The following MYO16 variants were observed in gnomAD, a reference collection of about 807,000 sequenced individuals.
The protein encoded by MYO16 is myosin XVI, also known as unconventional myosin-XVI.
In MYO16, 94 loss-of-function variants were observed where a neutral mutation model predicts 205.3. The observed-to-expected ratio is 0.46, with a 90% CI of 0.39 to 0.54. The LOEUF (loss-of-function observed/expected upper bound fraction) is 0.54. Ranked by LOEUF, MYO16 falls within the 20% of genes least tolerant of loss-of-function variation. MYO16 has a pLI of 0.00. For missense variants in MYO16, 2,315 were observed against 2,387.5 expected (o/e 0.97, Z 0.63); for synonymous variants, 988 against 954.0 (o/e 1.04, Z -0.66).
chr13:109,180,345 A>G (rs1879404038), intron 34 of MYO16, among the ~76,000 whole-genome samples: 4 of 152,262 alleles, frequency 2.6e-5, no homozygotes, highest in African/African-American at 9.6e-5. Flanking sequence ...ATTTTAAAAT[A>G]TACTTTAAAT....
At chr13:108,616,049 T>G (rs1406964908) in intron 1 of MYO16, among the ~76,000 whole-genome samples, 2 of 152,190 alleles carry the variant, frequency 1.3e-5, no homozygotes, top group African/African-American at 4.8e-5. Flanking sequence ...GCATAAACAC[T>G]TATGTTTACA....
At chr13:109,074,765 A>G (rs1888037749) in intron 27 of MYO16, among the ~76,000 whole-genome samples, 1 of 152,088 alleles carries the variant, frequency 6.6e-6, no homozygotes, top group African/African-American at 2.4e-5. Context: ...TGCTACACTT[A>G]CGCTATCAGA....
At chr13:108,808,171 C>T (rs895669983) in intron 7 of MYO16, among the ~76,000 whole-genome samples, 3 of 151,922 alleles carry the variant, frequency 2.0e-5, no homozygotes, top group Admixed American at 6.6e-5. Flanking sequence ...AGCTACTGAC[C>T]TTTTTCTCAG....
chr13:108,677,414 AT>A (rs1390809294), intron 2 of MYO16, among the ~76,000 whole-genome samples: 1 of 148,872 alleles, frequency 6.7e-6, no homozygotes, highest in Non-Finnish European at 1.5e-5. Flanking sequence ...ATACATATAT[AT>A]TCAGGTATAT....
At chr13:109,013,040 G>A (rs2139492875) in intron 22 of MYO16, among the ~76,000 whole-genome samples, 1 of 148,992 alleles carries the variant, frequency 6.7e-6, no homozygotes, top group Admixed American at 6.7e-5. Flanking sequence ...ATGTATACAT[G>A]TGCCGTGTTG....
In MYO16 at chr13:109,140,667, G is replaced by A. The variant is rs781318754; in HGVS notation, c.4455G>A (p.Ala1485=). The change falls in exon 32 of 35, where the codon GCG becomes GCA. Residue 1485 remains alanine, a synonymous_variant. Coordinates refer to ENST00000457511, the MANE Select transcript of MYO16 (RefSeq NM_001198950.3). The surrounding 1 kb of genome is among the most constrained non-coding windows in gnomAD (Gnocchi z 8.0). Reference sequence around the variant, plus strand: ...CATCGCCGCCCCTGCTCCACCGCGCGCCGGAGGACGAGGCGGCGGGGCCCC... The same window carrying A: ...CATCGCCGCCCCTGCTCCACCGCGCACCGGAGGACGAGGCGGCGGGGCCCC... ...HGASPPLLHR[A]PEDEAAGPPG... is the part of the protein sequence containing the mutation. 7 of 1,488,454 alleles carry A rather than the reference G, an allele frequency of 4.7e-6. No individual in the cohort carries two copies. Among genetic ancestry groups the A allele is most frequent in the South Asian group, 1.3e-5 (1 of 76,296 alleles). 92.2% of individuals were successfully genotyped at this position (1,488,454 alleles called of 1,614,324 possible). A position where few individuals can be genotyped will look rare whatever the true frequency, so the allele number is the denominator to read the frequency against.
chr13:108,723,251 T>C (rs539931221), intron 3 of MYO16, among the ~76,000 whole-genome samples: 817 of 4,666 alleles, frequency 0.18, 5 homozygotes, highest in Admixed American at 0.21. Flanking sequence ...ATATTCTTGA[T>C]AAATGTCTTT....
chr13:108,553,956 GTGCT>G, the MYO16 span, among the ~76,000 whole-genome samples: 1 of 152,140 alleles, frequency 6.6e-6, no homozygotes, highest in Non-Finnish European at 1.5e-5. Context: ...GTCTCCCCCT[GTGCT>G]CCTTCTGAAG....
intron 31 of MYO16, among the ~76,000 whole-genome samples, chr13:109,130,582 A>G (rs1876486041): frequency 6.6e-6 from 1 of 152,254 alleles, no homozygotes; most frequent in African/African-American, 2.4e-5. Flanking sequence ...CAGAGAGGGC[A>G]AGCGCAGGAG....
chr13:108,806,199 C>A (rs1169906913), intron 6 of MYO16, among the ~76,000 whole-genome samples: 1 of 152,160 alleles, frequency 6.6e-6, no homozygotes, highest in East Asian at 1.9e-4. Flanking sequence ...ATTAGTTAAT[C>A]CTTTTCAGTG....
intron 16 of MYO16, among the ~76,000 whole-genome samples, chr13:108,928,882 A>T (rs911484493): frequency 6.6e-6 from 1 of 152,218 alleles, no homozygotes; most frequent in African/African-American, 2.4e-5. Context: ...GGCCATATTC[A>T]GGTCATGGAT....
At chr13:108,955,417 G>A (rs1315684040) in intron 16 of MYO16, among the ~76,000 whole-genome samples, 1 of 152,082 alleles carries the variant, frequency 6.6e-6, no homozygotes, top group African/African-American at 2.4e-5. Flanking sequence ...CCGAGATTGG[G>A]GAAAAAGAAG....
intron 4 of MYO16, among the ~76,000 whole-genome samples, chr13:108,745,739 A>G (rs1157806154): frequency 5.3e-5 from 8 of 152,184 alleles, no homozygotes; most frequent in Non-Finnish European, 1.0e-4. Flanking sequence ...TAAAATTATC[A>G]GACAGGAGAT....
chr13:108,505,711 G>A, the MYO16 span, among the ~76,000 whole-genome samples: 1 of 152,026 alleles, frequency 6.6e-6, no homozygotes, highest in African/African-American at 2.4e-5. Flanking sequence ...TTTGTTGCCT[G>A]TGCTTTTGGT....
the MYO16 span, among the ~76,000 whole-genome samples, chr13:108,529,356 AT>A: frequency 1.3e-5 from 2 of 152,072 alleles, no homozygotes; most frequent in East Asian, 3.9e-4. Context: ...ACACTTCTTC[AT>A]TTGCTGAACT....
At chr13:108,560,910 A>G in the MYO16 span, among the ~76,000 whole-genome samples, 1 of 152,360 alleles carries the variant, frequency 6.6e-6, no homozygotes, top group African/African-American at 2.4e-5. Context: ...TATTGTTTTC[A>G]GAACTTATTT....
chr13:108,990,242 C>T (rs1252662080), intron 20 of MYO16, among the ~76,000 whole-genome samples: 1 of 151,814 alleles, frequency 6.6e-6, no homozygotes, highest in African/African-American at 2.4e-5. Context: ...ACTGAATGAA[C>T]ATCATTCCAG....
rs552788348 is a variant in MYO16 at position 109,189,103 on chromosome 13, GA to G, written c.5415+9481del. 8.3e-3 allele frequency among the ~76,000 whole-genome samples: 1,174 copies of G among 142,222 alleles called. 5 individuals are homozygous for G. Among genetic ancestry groups the G allele is most frequent in the Non-Finnish European group, 0.012 (774 of 64,654 alleles). The allele number at this position is 142,222 out of a possible 152,430, so 93.3% of individuals were successfully genotyped here. ...GAGCAAAATTCTGTCTAAAAAAAAT[GA>G]AAAAAAAAAAGAAGGACACATCCAG... On this transcript the variant is annotated intron_variant, in intron 34 of 34. Transcript: ENST00000457511.
intron 15 of MYO16, among the ~76,000 whole-genome samples, chr13:108,904,157 A>G (rs55668041): frequency 0.026 from 4,024 of 152,282 alleles, 182 homozygotes; most frequent in African/African-American, 0.092. Context: ...TGAGCTGTAT[A>G]TAAGTAAGGA....
Sources: gnomAD v4.1 joint callset for allele counts (sites outside exome capture counted in the v4.1 genomes callset) on GRCh38, gnomAD v4.1.1 for gene constraint, Gnocchi (gnomAD v3.1) non-coding constraint, MANE v1.5 for transcripts, NCBI Gene and HGNC (gene_info 2026-07-23, HGNC 2026-07-21) for gene names.